Variants in VAT1L observed in about 807,000 individuals in gnomAD.
VAT1L encodes putative NADPH-dependent quinone oxidoreductase VAT1L.
VAT1L carries 34 observed loss-of-function variants against 44.1 expected under a neutral mutation model. The observed-to-expected ratio is 0.77, with a 90% confidence interval of 0.59 to 1.03. The LOEUF (loss-of-function observed/expected upper bound fraction) is 1.03, where lower values mean the gene tolerates loss of function less well. Ranked by LOEUF, VAT1L falls within the 50% of genes least tolerant of loss-of-function variation. The probability of loss-of-function intolerance (pLI) is 0.00; values close to 1 mark genes in which losing one functional copy is unlikely to be tolerated. For synonymous variants in VAT1L, 253 were observed against 202.2 expected (o/e 1.25, Z -2.13); for missense variants, 615 against 538.8 (o/e 1.14, Z -1.40).
At chr16:77,810,660 A>G (rs2016249357) in intron 1 of VAT1L, among the ~76,000 whole-genome samples, 1 of 152,078 alleles carries the variant, frequency 6.6e-6, no homozygotes, top group Non-Finnish European at 1.5e-5. Flanking sequence ...ACAGAGCTAG[A>G]CTCTATCTCA....
chr16:77,975,194 C>T (rs2018323314), intron 8 of VAT1L, among the ~76,000 whole-genome samples: 4 of 39,836 alleles, frequency 1.0e-4, no homozygotes, highest in Non-Finnish European at 1.7e-4. Flanking sequence ...GGAATGACCA[C>T]TTTTTTTTTT....
At chr16:77,868,928 C>G (rs2017002787) in intron 4 of VAT1L, among the ~76,000 whole-genome samples, 1 of 152,230 alleles carries the variant, frequency 6.6e-6, no homozygotes, top group Non-Finnish European at 1.5e-5. Context: ...ACTGCAGACC[C>G]TGGTGGAGAA....
intron 1 of VAT1L, among the ~76,000 whole-genome samples, chr16:77,814,342 A>G (rs1308382858): frequency 6.6e-6 from 1 of 152,188 alleles, no homozygotes; most frequent in African/African-American, 2.4e-5. Context: ...CCTGCGTCCT[A>G]AAAATAGGGG....
In VAT1L at chr16:77,962,719, CAAAAGAAG is replaced by C. The variant is rs1177315471; in HGVS notation, c.1078-9130_1078-9123del. On this transcript the variant is annotated intron_variant, in intron 7 of 8. Transcript: ENST00000302536. ...ACAACATAGCAAGACCTTTTCTCTA[CAAAAGAAG>C]GAAAGAAGGAAAGAAGGAAGGAAGG... Among the ~76,000 whole-genome samples the C allele has an allele frequency of 1.7e-3, 114 of 66,156 alleles. 1 individual carries two copies. The highest frequency in any genetic ancestry group is 3.3e-3 in the Admixed American group (19 of 5,746). The allele number at this position is 66,156 out of a possible 152,430, so 43.4% of individuals were successfully genotyped here. A position where few individuals can be genotyped will look rare whatever the true frequency, so the allele number is the denominator to read the frequency against.
At chr16:77,801,786 T>G (rs1344944350) in intron 1 of VAT1L, 1 of 151,974 alleles carries the variant, frequency 6.6e-6, no homozygotes, top group African/African-American at 2.4e-5. Context: ...ACGCTACGCC[T>G]AGTTCAATCA....
chr16:77,839,975 T>G (rs2016688058), intron 3 of VAT1L, among the ~76,000 whole-genome samples: 1 of 152,026 alleles, frequency 6.6e-6, no homozygotes, highest in Non-Finnish European at 1.5e-5. Context: ...GACCTATATT[T>G]GCATCTTAGC....
intron 1 of VAT1L, among the ~76,000 whole-genome samples, chr16:77,799,237 C>T (rs1377110712): frequency 2.7e-5 from 4 of 150,560 alleles, no homozygotes; most frequent in Non-Finnish European, 4.4e-5. Context: ...GTCTCTCCCT[C>T]TCTCTCTCCC....
intron 1 of VAT1L, chr16:77,801,441 G>A (rs1461611141): frequency 6.6e-6 from 1 of 152,178 alleles, no homozygotes; most frequent in African/African-American, 2.4e-5. Context: ...GCCCTTCATA[G>A]TTTGATCTGA....
chr16:77,937,864 A>T (rs1403277731), intron 7 of VAT1L, among the ~76,000 whole-genome samples: 3 of 152,252 alleles, frequency 2.0e-5, no homozygotes, highest in Non-Finnish European at 4.4e-5. Flanking sequence ...TTCAGAAGAG[A>T]CAGAGAGTTG....
rs371562190 is a variant in VAT1L, at chr16:77,853,908, A to C, written c.580-8840A>C. On this transcript the variant is annotated intron_variant, in intron 3 of 8. Coordinates refer to ENST00000302536, the MANE Select transcript of VAT1L (RefSeq NM_020927.3). ...GTAATCCTAGCACTTTGGGAGGCCA[A>C]GGAGAGTTCAGGATTTCGAGACCAG... 1.4e-4 allele frequency among the ~76,000 whole-genome samples: 21 copies of C among 152,226 alleles called. No homozygotes were observed. In the East Asian group the frequency reaches 3.9e-3, roughly 28 times the overall value.
chr16:77,838,054 T>G (rs1382175240), intron 3 of VAT1L, among the ~76,000 whole-genome samples: 1 of 152,196 alleles, frequency 6.6e-6, no homozygotes, highest in East Asian at 1.9e-4. Context: ...CCATGCTCTA[T>G]GAACTGGTGA....
chr16:77,877,058 T>C (rs2017095527), intron 5 of VAT1L, among the ~76,000 whole-genome samples: 4 of 152,204 alleles, frequency 2.6e-5, no homozygotes, highest in Non-Finnish European at 1.5e-5. Flanking sequence ...TCATGTCTGT[T>C]TCCATCTCTT....
chr16:77,933,292 T>C (rs1241163547), intron 7 of VAT1L, among the ~76,000 whole-genome samples: 1 of 152,226 alleles, frequency 6.6e-6, no homozygotes, highest in Non-Finnish European at 1.5e-5. Flanking sequence ...TTCTTTTAGC[T>C]AATAAGTGAC....
chr16:77,897,059 T>C (rs1297934976), intron 7 of VAT1L, among the ~76,000 whole-genome samples: 1 of 152,224 alleles, frequency 6.6e-6, no homozygotes, highest in African/African-American at 2.4e-5. Context: ...TTTCAAGATT[T>C]TTCCAAGATA....
At chr16:77,951,462 C>T (rs2018041872) in intron 7 of VAT1L, among the ~76,000 whole-genome samples, 1 of 152,194 alleles carries the variant, frequency 6.6e-6, no homozygotes, top group Non-Finnish European at 1.5e-5. Flanking sequence ...AGGAGAATCG[C>T]TTGAACCCAA....
intron 7 of VAT1L, among the ~76,000 whole-genome samples, chr16:77,919,953 G>A (rs968469557): frequency 6.6e-6 from 1 of 152,068 alleles, no homozygotes; most frequent in Non-Finnish European, 1.5e-5. Flanking sequence ...GTATGGTGGT[G>A]GGTGCCTGTA....
chr16:77,912,230 T>A (rs1242976060), intron 7 of VAT1L, among the ~76,000 whole-genome samples: 2 of 152,206 alleles, frequency 1.3e-5, no homozygotes, highest in Non-Finnish European at 2.9e-5. Flanking sequence ...TCAGTTGCCT[T>A]ATCAGTAAAG....
intron 3 of VAT1L, among the ~76,000 whole-genome samples, chr16:77,847,628 A>G (rs1426625951): frequency 6.6e-6 from 1 of 152,130 alleles, no homozygotes; most frequent in Non-Finnish European, 1.5e-5. Context: ...GAGGAAGATC[A>G]CCCTTTCACT....
intron 7 of VAT1L, among the ~76,000 whole-genome samples, chr16:77,928,096 C>T (rs2017689967): frequency 6.6e-6 from 1 of 152,074 alleles, no homozygotes; most frequent in Admixed American, 6.5e-5. Context: ...GCCATTTTCA[C>T]AGCAGGCCTT....
Sources: allele counts gnomAD v4.1 joint callset (sites outside exome capture counted in the v4.1 genomes callset), GRCh38; gene constraint gnomAD v4.1.1; transcripts MANE v1.5; gene names NCBI Gene and HGNC (gene_info 2026-07-23, HGNC 2026-07-21).